Variants in AP3B1 observed in about 807,000 individuals in gnomAD.
AP3B1 encodes adaptor related protein complex 3 subunit beta 1, also known as AP-3 complex subunit beta-1.
A neutral mutation model predicts 132.5 loss-of-function variants in AP3B1; 61 were observed. The observed-to-expected ratio is 0.46, with a 90% CI of 0.37 to 0.57. The LOEUF is 0.57. Ranked by LOEUF, AP3B1 falls within the 20% of genes least tolerant of loss-of-function variation. The pLI is 0.00. For missense variants in AP3B1, 1,120 were observed against 1,289.4 expected (o/e 0.87, Z 2.01); for synonymous variants, 388 against 438.3 (o/e 0.89, Z 1.43).
intron 14 of AP3B1, among the ~76,000 whole-genome samples, chr5:78,153,329 A>G (rs2112351435): frequency 6.6e-6 from 1 of 152,128 alleles, no homozygotes; most frequent in East Asian, 1.9e-4. Flanking sequence ...TTATAAGTGT[A>G]GGAAGAGACA....
intron 18 of AP3B1, 65 bp downstream of exon 18, chr5:78,116,061 G>T: frequency 8.2e-7 from 1 of 1,219,768 alleles, no homozygotes. Flanking sequence ...ATTAGGCCTT[G>T]TTTCTGAGAT....
At chr5:78,059,089 T>C (rs72776407) in intron 22 of AP3B1, among the ~76,000 whole-genome samples, 3,391 of 152,248 alleles carry the variant, frequency 0.022, 41 homozygotes, top group Middle Eastern at 0.037. Context: ...AGATTGGAGG[T>C]CATTCTGGAT....
intron 13 of AP3B1, 128 bp downstream of exon 13, chr5:78,162,691 T>C (rs1336900664): frequency 2.1e-6 from 2 of 965,722 alleles, no homozygotes; most frequent in Admixed American, 2.1e-5. Context: ...ATGCTACTTA[T>C]TGTGACCATA....
chr5:78,049,565 C>T (rs925358840), intron 22 of AP3B1, among the ~76,000 whole-genome samples: 1 of 152,184 alleles, frequency 6.6e-6, no homozygotes, highest in South Asian at 2.1e-4. Context: ...TAGAAGAACA[C>T]AAAAGTCATA....
intron 22 of AP3B1, among the ~76,000 whole-genome samples, chr5:78,041,716 A>T (rs1194452543): frequency 6.6e-6 from 1 of 152,196 alleles, no homozygotes; most frequent in Non-Finnish European, 1.5e-5. Context: ...TGATGATGAT[A>T]ACAATCTAGT....
chr5:78,001,028 T>C (rs1746190644), downstream of AP3B1: 1 of 152,216 alleles, frequency 6.6e-6, no homozygotes, highest in Non-Finnish European at 1.5e-5. Flanking sequence ...TTACCATAAT[T>C]TTAAAAGTTA....
At chr5:78,215,377 A>C (rs1745917590) in intron 7 of AP3B1, among the ~76,000 whole-genome samples, 3 of 152,126 alleles carry the variant, frequency 2.0e-5, no homozygotes, top group Non-Finnish European at 2.9e-5. Flanking sequence ...AAGGATCTTA[A>C]TTACAAGTTA....
chr5:78,269,545 T>G (rs1243670138), intron 1 of AP3B1, among the ~76,000 whole-genome samples: 4 of 152,224 alleles, frequency 2.6e-5, no homozygotes, highest in African/African-American at 9.6e-5. Flanking sequence ...AGGGCTATTA[T>G]GTAGTGTAAA....
chr5:78,019,836 C>T (rs1747015839), intron 25 of AP3B1, among the ~76,000 whole-genome samples: 1 of 151,900 alleles, frequency 6.6e-6, no homozygotes, highest in South Asian at 2.1e-4. Context: ...CTAGTACGTT[C>T]TGGAAGTTTG....
intron 11 of AP3B1, among the ~76,000 whole-genome samples, chr5:78,171,227 GGT>G (rs1743901395): frequency 1.3e-5 from 2 of 151,848 alleles, no homozygotes; most frequent in African/African-American, 2.4e-5. Flanking sequence ...GCTTTTTTTT[GGT>G]TCCATATGAA....
At chr5:78,016,501 T>C (rs1207045590) in intron 25 of AP3B1, among the ~76,000 whole-genome samples, 1 of 152,090 alleles carries the variant, frequency 6.6e-6, no homozygotes, top group Non-Finnish European at 1.5e-5. Flanking sequence ...CCAATAACTC[T>C]TTGAGATATT....
intron 1 of AP3B1, among the ~76,000 whole-genome samples, chr5:78,284,707 T>A (rs1280193144): frequency 6.6e-6 from 1 of 152,194 alleles, no homozygotes; most frequent in Non-Finnish European, 1.5e-5. Flanking sequence ...TTCTTCTGGA[T>A]ATTGAAATTA....
intron 21 of AP3B1, among the ~76,000 whole-genome samples, chr5:78,094,064 A>G (rs1302960034): frequency 6.6e-6 from 1 of 152,226 alleles, no homozygotes; most frequent in Non-Finnish European, 1.5e-5. Flanking sequence ...GATTTTTTAA[A>G]TATTTCACTG....
At chr5:78,277,858 C>A (rs942412813) in intron 1 of AP3B1, among the ~76,000 whole-genome samples, 3 of 152,182 alleles carry the variant, frequency 2.0e-5, no homozygotes, top group Non-Finnish European at 4.4e-5. Context: ...AAGCATATAT[C>A]TTCCATGTCT....
chr5:78,034,456 A>C lies in AP3B1; in HGVS notation c.2810-11T>G. 1.3e-6 allele frequency: 2 copies of C among 1,585,232 alleles called. No individual in the cohort carries two copies. The highest frequency in any genetic ancestry group is 1.7e-6 in the Non-Finnish European group (2 of 1,154,046). Reference sequence around the variant, plus strand: ...CAGGCTCAAGAGAGTCTAGGAAATAAGATAATTTAGACATGAAAACACAGA... The same window carrying C: ...CAGGCTCAAGAGAGTCTAGGAAATACGATAATTTAGACATGAAAACACAGA... On this transcript the variant is annotated splice_polypyrimidine_tract_variant and intron_variant, in intron 23 of 26. Coordinates refer to ENST00000255194, the MANE Select transcript of AP3B1 (RefSeq NM_003664.5).
chr5:78,254,302 GATA>G (rs1168830413), intron 2 of AP3B1, among the ~76,000 whole-genome samples: 2 of 152,086 alleles, frequency 1.3e-5, no homozygotes, highest in Admixed American at 1.3e-4. Context: ...TATTCAAAGG[GATA>G]ATATCAGAGA....
chr5:78,263,434 G>T (rs1010108562), intron 2 of AP3B1, among the ~76,000 whole-genome samples: 2 of 152,120 alleles, frequency 1.3e-5, no homozygotes, highest in Non-Finnish European at 2.9e-5. Context: ...CATATAAGAT[G>T]ATGTGAATAA....
intron 22 of AP3B1, chr5:78,087,316 C>A (rs538835086): frequency 4.9e-4 from 80 of 162,856 alleles, no homozygotes; most frequent in Admixed American, 7.8e-4. Flanking sequence ...CCACTTCTTT[C>A]CAAATTCAGA....
chr5:78,142,854 C>A (rs1336141251), intron 14 of AP3B1, among the ~76,000 whole-genome samples: 1 of 151,920 alleles, frequency 6.6e-6, no homozygotes, highest in East Asian at 1.9e-4. Flanking sequence ...AAACTGATGC[C>A]CTTACTGCAT....
Sources: gnomAD v4.1 joint callset for allele counts (sites outside exome capture counted in the v4.1 genomes callset) on GRCh38, gnomAD v4.1.1 for gene constraint, MANE v1.5 for transcripts, NCBI Gene and HGNC (gene_info 2026-07-23, HGNC 2026-07-21) for gene names.